POC1A: variants seen among roughly 807,000 people sequenced by gnomAD.
POC1A encodes the protein POC1 centriolar protein homolog A.
POC1A carries 34 observed loss-of-function variants against 47.8 expected under a neutral mutation model. That is an observed-to-expected ratio of 0.71 (90% CI 0.54 to 0.95). The LOEUF (loss-of-function observed/expected upper bound fraction) is 0.95. POC1A is among the 40% of genes least tolerant of loss of function. The probability of loss-of-function intolerance (pLI) is 0.00; values close to 1 mark genes in which losing one functional copy is unlikely to be tolerated. For synonymous variants in POC1A, 177 were observed against 207.6 expected (o/e 0.85, Z 1.27); for missense variants, 466 against 528.3 (o/e 0.88, Z 1.16).
At chr3:52,150,907 C>T in intron 2 of POC1A, 109 bp downstream of exon 2, 1 of 951,258 alleles carries the variant, frequency 1.1e-6, no homozygotes, top group South Asian at 1.4e-5. Flanking sequence ...CAGGTCTAGA[C>T]AAAGCTGTGC....
intron 4 of POC1A, among the ~76,000 whole-genome samples, chr3:52,148,346 G>A (rs961922816): frequency 6.6e-5 from 10 of 152,208 alleles, no homozygotes; most frequent in African/African-American, 7.2e-5. Context: ...GAATGGGGGT[G>A]CCCTGGAGAA....
intron 9 of POC1A, among the ~76,000 whole-genome samples, chr3:52,110,861 A>C (rs1247130053): frequency 6.6e-6 from 1 of 152,136 alleles, no homozygotes; most frequent in Admixed American, 6.5e-5. Context: ...AGCTCCAATA[A>C]CCCTAAGCCC....
intron 7 of POC1A, among the ~76,000 whole-genome samples, chr3:52,130,493 G>A (rs1437919328): frequency 2.0e-5 from 3 of 152,196 alleles, no homozygotes; most frequent in Non-Finnish European, 4.4e-5. Context: ...GACCCTGGCC[G>A]AAGACACCTG....
chr3:52,095,865 A>C (rs1702796127), intron 10 of POC1A, among the ~76,000 whole-genome samples: 1 of 152,154 alleles, frequency 6.6e-6, no homozygotes, highest in African/African-American at 2.4e-5. Context: ...CCTCTTGTCA[A>C]GGGATTTTGC....
chr3:52,117,701 T>C (rs1273749415), intron 9 of POC1A, among the ~76,000 whole-genome samples: 1 of 152,050 alleles, frequency 6.6e-6, no homozygotes, highest in East Asian at 1.9e-4. Flanking sequence ...TGGGTTTTTT[T>C]TTCCTCCCGT....
At chr3:52,147,861 G>A (rs1698419619) in intron 4 of POC1A, among the ~76,000 whole-genome samples, 1 of 151,734 alleles carries the variant, frequency 6.6e-6, no homozygotes, top group South Asian at 2.1e-4. Context: ...AGCTTCATGA[G>A]CAAATAGCCC....
At chr3:52,106,180 CAAAAA>C (rs11350232) in intron 9 of POC1A, among the ~76,000 whole-genome samples, 3 of 73,570 alleles carry the variant, frequency 4.1e-5, no homozygotes, top group East Asian at 3.6e-4. Context: ...GACTACGTCT[CAAAAA>C]AAAAAAAAAA....
At chr3:52,123,392 T>C (rs750643371) in intron 8 of POC1A, among the ~76,000 whole-genome samples, 5 of 152,130 alleles carry the variant, frequency 3.3e-5, no homozygotes, top group Non-Finnish European at 7.4e-5. Context: ...ACAAGAGAAC[T>C]GGGGAGTGTG....
intron 9 of POC1A, among the ~76,000 whole-genome samples, chr3:52,114,587 G>C (rs189372156): frequency 6.6e-5 from 10 of 152,178 alleles, no homozygotes; most frequent in Non-Finnish European, 1.2e-4. Context: ...TTCCAGTCAG[G>C]GGTCTCTTAT....
chr3:52,133,154 T>C lies in POC1A; in HGVS notation c.813+5015A>G, dbSNP rs138112377. ...AGGGCTCCGCCCTCATGAAGGGGAT[T>C]AGGTGCACTTATGAAAGGGCTTGAC... On this transcript the variant is annotated intron_variant, in intron 7 of 10. Transcript: ENST00000296484. Among the ~76,000 whole-genome samples the C allele has an allele frequency of 2.9e-3, 442 of 152,238 alleles. 1 individual carries two copies. Among genetic ancestry groups the C allele is most frequent in the African/African-American group, 0.01 (419 of 41,536 alleles).
intron 7 of POC1A, among the ~76,000 whole-genome samples, chr3:52,130,587 C>T (rs891440777): frequency 2.6e-4 from 40 of 152,194 alleles, no homozygotes; most frequent in Non-Finnish European, 5.9e-5. Context: ...ATAAATGAGC[C>T]GTTCTCTCTC....
chr3:52,080,915 C>T (rs1403144631), intron 10 of POC1A, among the ~76,000 whole-genome samples: 1 of 152,236 alleles, frequency 6.6e-6, no homozygotes, highest in Non-Finnish European at 1.5e-5. Flanking sequence ...ACTCCTCACC[C>T]GATACTGTCC....
intron 7 of POC1A, among the ~76,000 whole-genome samples, chr3:52,127,680 A>G (rs1253492914): frequency 6.7e-6 from 1 of 149,268 alleles, no homozygotes; most frequent in Non-Finnish European, 1.5e-5. Flanking sequence ...GATGTGGGCC[A>G]CTGCACCCAG....
intron 7 of POC1A, among the ~76,000 whole-genome samples, chr3:52,137,103 TG>T (rs1704500518): frequency 6.6e-6 from 1 of 152,148 alleles, no homozygotes; most frequent in African/African-American, 2.4e-5. Flanking sequence ...CCCCTCTGGA[TG>T]TGCTGGCCCA....
At chr3:52,094,970 C>T (rs772314664) in intron 10 of POC1A, among the ~76,000 whole-genome samples, 1 of 152,202 alleles carries the variant, frequency 6.6e-6, no homozygotes, top group African/African-American at 2.4e-5. Context: ...ATAACAAAAC[C>T]TTCCATGTGC....
intron 6 of POC1A, among the ~76,000 whole-genome samples, chr3:52,143,653 C>T (rs760259626): frequency 3.3e-5 from 5 of 152,316 alleles, no homozygotes; most frequent in Non-Finnish European, 5.9e-5. Flanking sequence ...TCTGCTTCTA[C>T]TCAACCTCTG....
intron 9 of POC1A, among the ~76,000 whole-genome samples, chr3:52,109,544 C>T (rs1250747284): frequency 6.6e-6 from 1 of 151,838 alleles, no homozygotes; most frequent in Non-Finnish European, 1.5e-5. Context: ...GGAGCTGATC[C>T]AAGGCAAGTG....
chr3:52,116,777 G>A (rs376467982), intron 9 of POC1A, among the ~76,000 whole-genome samples: 87 of 152,282 alleles, frequency 5.7e-4, no homozygotes, highest in Middle Eastern at 3.4e-3. Context: ...TGGGGCAGGC[G>A]TGGTAGTTCA....
intron 9 of POC1A, among the ~76,000 whole-genome samples, chr3:52,102,774 G>A (rs1703043663): frequency 6.6e-6 from 1 of 152,118 alleles, no homozygotes; most frequent in South Asian, 2.1e-4. Flanking sequence ...TACCAATGAA[G>A]AGATATATCA....
Sources: allele counts gnomAD v4.1 joint callset (sites outside exome capture counted in the v4.1 genomes callset), GRCh38; gene constraint gnomAD v4.1.1; transcripts MANE v1.5; gene names NCBI Gene and HGNC (gene_info 2026-07-23, HGNC 2026-07-21).